The following PTN variants were observed in gnomAD, a reference collection of about 807,000 sequenced individuals.
PTN encodes the protein heparin affin regulatory protein.
In PTN, 18 loss-of-function variants were observed where a neutral mutation model predicts 24.1. The observed-to-expected ratio is 0.75, with a 90% CI of 0.52 to 1.11. The LOEUF (loss-of-function observed/expected upper bound fraction) is 1.11, where lower values mean the gene tolerates loss of function less well. Ranked by LOEUF, PTN falls within the 50% of genes least tolerant of loss-of-function variation. The pLI is 0.00. For synonymous variants in PTN, 78 were observed against 68.6 expected (o/e 1.14, Z -0.67); for missense variants, 163 against 198.8 (o/e 0.82, Z 1.08).
intron 1 of PTN, among the ~76,000 whole-genome samples, chr7:137,293,612 T>C (rs1036764061): frequency 2.0e-5 from 3 of 152,120 alleles, no homozygotes; most frequent in East Asian, 3.9e-4. Flanking sequence ...ACTTTACTTT[T>C]TTTAAAAATA....
At chr7:137,237,977 G>A (rs574626174) in intron 4 of PTN, among the ~76,000 whole-genome samples, 8 of 152,242 alleles carry the variant, frequency 5.3e-5, no homozygotes, top group East Asian at 1.9e-4. Flanking sequence ...GGGCCTTGCC[G>A]CCTGCATGCA....
chr7:137,247,438 A>C (rs322301), intron 4 of PTN, among the ~76,000 whole-genome samples: 69,198 of 151,944 alleles, frequency 0.46, 16,371 homozygotes, highest in African/African-American at 0.61. Flanking sequence ...CATTGCGTGT[A>C]CTCACTTATT....
chr7:137,322,585 A>G (rs1244251165), intron 1 of PTN, among the ~76,000 whole-genome samples: 1 of 152,330 alleles, frequency 6.6e-6, no homozygotes, highest in Admixed American at 6.5e-5. Flanking sequence ...AAAAATTAAA[A>G]TATTGTAAAA....
intron 1 of PTN, among the ~76,000 whole-genome samples, chr7:137,310,511 C>T (rs1420403349): frequency 1.3e-5 from 2 of 151,644 alleles, no homozygotes; most frequent in African/African-American, 2.4e-5. Context: ...GATTCTCCTG[C>T]CTCAGCCTCC....
intron 1 of PTN, among the ~76,000 whole-genome samples, chr7:137,276,433 G>A (rs181727733): frequency 5.3e-5 from 8 of 152,266 alleles, no homozygotes; most frequent in Admixed American, 3.9e-4. Flanking sequence ...AGAAGAGGAC[G>A]TCCTGCAATG....
At chr7:137,312,331 T>C (rs1809995801) in intron 1 of PTN, among the ~76,000 whole-genome samples, 1 of 152,226 alleles carries the variant, frequency 6.6e-6, no homozygotes, top group South Asian at 2.1e-4. Context: ...TTAATGGTGC[T>C]TTACTTGCTT....
chr7:137,282,384 C>A (rs749320938), intron 1 of PTN, among the ~76,000 whole-genome samples: 1 of 152,066 alleles, frequency 6.6e-6, no homozygotes, highest in African/African-American at 2.4e-5. Context: ...TAATCTTATA[C>A]AAATAGATGA....
intron 1 of PTN, among the ~76,000 whole-genome samples, chr7:137,283,215 T>C (rs751077880): frequency 6.6e-6 from 1 of 152,186 alleles, no homozygotes; most frequent in African/African-American, 2.4e-5. Context: ...AGGTTATTAA[T>C]GCCTGGTTCC....
chr7:137,246,806 G>A (rs140318962), intron 4 of PTN, among the ~76,000 whole-genome samples: 1 of 152,278 alleles, frequency 6.6e-6, no homozygotes, highest in African/African-American at 2.4e-5. Context: ...AAGGAGCATC[G>A]TGCAGTTGAA....
chr7:137,306,277 T>G (rs1224675067), intron 1 of PTN, among the ~76,000 whole-genome samples: 1 of 152,030 alleles, frequency 6.6e-6, no homozygotes, highest in Non-Finnish European at 1.5e-5. Context: ...GCTCTAAGTC[T>G]CTCCGGTTGA....
intron 4 of PTN, among the ~76,000 whole-genome samples, chr7:137,248,189 C>A (rs1261873025): frequency 3.9e-5 from 6 of 151,992 alleles, no homozygotes; most frequent in Non-Finnish European, 7.4e-5. Flanking sequence ...TAGAGACGTG[C>A]AAAGGAAAAG....
chr7:137,343,625 G>T lies in PTN; in HGVS notation c.-188C>A, dbSNP rs1318036321. 2 of 518,834 alleles carry T rather than the reference G, an allele frequency of 3.9e-6. No homozygotes were observed. Among genetic ancestry groups the T allele is most frequent in the Non-Finnish European group, 7.7e-6 (2 of 259,838 alleles). 32.1% of individuals were successfully genotyped at this position (518,834 alleles called of 1,614,324 possible). A position where few individuals can be genotyped will look rare whatever the true frequency, so the allele number is the denominator to read the frequency against. Reference sequence around the variant, plus strand: ...CTCTCTCCACTTTGGATTTTCCTCTGCTCTGGGGCTCTCTTGGCGGGATTT... The same window carrying T: ...CTCTCTCCACTTTGGATTTTCCTCTTCTCTGGGGCTCTCTTGGCGGGATTT... On this transcript the variant is annotated 5_prime_UTR_variant, in exon 1 of 5. Coordinates refer to ENST00000348225, the MANE Select transcript of PTN (RefSeq NM_002825.7).
intron 2 of PTN, 78 bp downstream of exon 2, chr7:137,254,781 G>C: frequency 1.1e-6 from 1 of 936,100 alleles, no homozygotes; most frequent in Non-Finnish European, 1.5e-6. Flanking sequence ...GAGTAGAAGA[G>C]AGGAAGGAAA....
At chr7:137,325,919 G>A (rs1157167163) in intron 1 of PTN, 5 of 152,308 alleles carry the variant, frequency 3.3e-5, no homozygotes, top group Admixed American at 1.3e-4. Flanking sequence ...ATGTCTAGAC[G>A]TGATTATAGA....
chr7:137,280,048 A>T (rs533477105), intron 1 of PTN, among the ~76,000 whole-genome samples: 85 of 152,314 alleles, frequency 5.6e-4, no homozygotes, highest in Non-Finnish European at 1.1e-3. Flanking sequence ...CCAGAGATAA[A>T]TTGTCAACAT....
At chr7:137,308,687 G>A (rs1809928576) in intron 1 of PTN, among the ~76,000 whole-genome samples, 1 of 152,046 alleles carries the variant, frequency 6.6e-6, no homozygotes, top group African/African-American at 2.4e-5. Context: ...GATGACCAAG[G>A]ACGAGATGCT....
intron 1 of PTN, among the ~76,000 whole-genome samples, chr7:137,272,853 T>G (rs1252574145): frequency 6.6e-6 from 1 of 152,252 alleles, no homozygotes; most frequent in Non-Finnish European, 1.5e-5. Context: ...GTTTGATTGA[T>G]TCACATACAC....
chr7:137,332,783 A>G (rs1810380385), intron 1 of PTN, among the ~76,000 whole-genome samples: 1 of 152,200 alleles, frequency 6.6e-6, no homozygotes, highest in Non-Finnish European at 1.5e-5. Flanking sequence ...TTTTTAAGCC[A>G]ACAATCTGAT....
chr7:137,329,004 C>T (rs533089298), intron 1 of PTN, among the ~76,000 whole-genome samples: 2 of 152,190 alleles, frequency 1.3e-5, no homozygotes, highest in Admixed American at 6.5e-5. Context: ...AAGAGTATGA[C>T]GTTTAAGAAT....
Sources: gnomAD v4.1 joint callset for allele counts (sites outside exome capture counted in the v4.1 genomes callset) on GRCh38, gnomAD v4.1.1 for gene constraint, MANE v1.5 for transcripts, NCBI Gene and HGNC (gene_info 2026-07-23, HGNC 2026-07-21) for gene names.